The following MGAT4C variants were observed in gnomAD, a reference collection of about 807,000 sequenced individuals.
MGAT4C encodes alpha-1,3-mannosyl-glycoprotein 4-beta-N-acetylglucosaminyltransferase C.
MGAT4C carries 19 observed loss-of-function variants against 40.1 expected under a neutral mutation model. The observed-to-expected ratio is 0.47, with a 90% confidence interval of 0.33 to 0.70. MGAT4C has a LOEUF of 0.70. MGAT4C is among the 30% of genes least tolerant of loss of function. The pLI is 0.02. For synonymous variants in MGAT4C, 181 were observed against 187.1 expected (o/e 0.97, Z 0.27); for missense variants, 491 against 563.2 (o/e 0.87, Z 1.30).
rs567660006 is a variant in MGAT4C at position 86,815,515 on chromosome 12, A to T, written c.-262+23151T>A. On this transcript the variant is annotated intron_variant, in intron 1 of 7. Transcript: ENST00000548651. The stretch of plus-strand genomic sequence containing the variant: ...ACTGGGTATCTACCCAGAAGAAAAT[A>T]AGTCATTATTCAAAAAAAAAAATAC... Among the ~76,000 whole-genome samples, 196 of 142,976 alleles carry T rather than the reference A, an allele frequency of 1.4e-3. 1 individual carries two copies. Among genetic ancestry groups the T allele is most frequent in the African/African-American group, 4.7e-3 (186 of 39,420 alleles). 93.8% of individuals were successfully genotyped at this position (142,976 alleles called of 152,430 possible). A position where few individuals can be genotyped will look rare whatever the true frequency, so the allele number is the denominator to read the frequency against.
chr12:86,418,787 GT>G (rs1436113980), intron 3 of MGAT4C, among the ~76,000 whole-genome samples: 3 of 152,008 alleles, frequency 2.0e-5, no homozygotes, highest in Non-Finnish European at 4.4e-5. Context: ...CATCATGTGT[GT>G]AGAAGGAAGA....
intron 1 of MGAT4C, among the ~76,000 whole-genome samples, chr12:86,100,479 T>C (rs950508718): frequency 2.0e-5 from 3 of 151,350 alleles, no homozygotes; most frequent in Admixed American, 1.3e-4. Context: ...AAAAAGACAA[T>C]ATTTTCCCCT....
chr12:86,211,435 A>AG (rs1950461059), intron 1 of MGAT4C, among the ~76,000 whole-genome samples: 1 of 143,250 alleles, frequency 7.0e-6, no homozygotes, highest in Admixed American at 7.1e-5. Flanking sequence ...AAAAAAAAAA[A>AG]AATTAGCCGG....
intron 2 of MGAT4C, among the ~76,000 whole-genome samples, chr12:86,521,647 GAAT>G (rs1476928844): frequency 6.6e-6 from 1 of 151,538 alleles, no homozygotes; most frequent in Non-Finnish European, 1.5e-5. Flanking sequence ...ACTTTAATAA[GAAT>G]AATATTTAAT....
intron 2 of MGAT4C, 88 bp downstream of exon 2, chr12:86,049,586 G>A (rs914032819): frequency 7.9e-5 from 51 of 646,680 alleles, no homozygotes; most frequent in Non-Finnish European, 9.4e-5. Context: ...AGCTACTCCA[G>A]GACAATTTTA....
rs942276693 is a variant in MGAT4C at position 85,959,863 on chromosome 12, T to C, written c.*19426A>G. ...GTATTGATATTGTCATTTATCAATT[T>C]TATTATATGTCTTTTGCTTATTAAA... On this transcript the variant is annotated 3_prime_UTR_variant, in exon 5 of 5. Coordinates refer to ENST00000611864, the MANE Select transcript of MGAT4C (RefSeq NM_001351288.2). The C allele has an allele frequency of 1.3e-5, 2 of 152,012 alleles. No homozygotes were observed. The highest frequency in any genetic ancestry group is 2.9e-5 in the Non-Finnish European group (2 of 67,942). 9.4% of individuals were successfully genotyped at this position (152,012 alleles called of 1,614,324 possible).
chr12:86,811,553 G>T (rs1404769704), intron 1 of MGAT4C, among the ~76,000 whole-genome samples: 1 of 150,870 alleles, frequency 6.6e-6, no homozygotes, highest in Non-Finnish European at 1.5e-5. Flanking sequence ...TGTTGGCCAG[G>T]CTGGTCTTGA....
At chr12:86,457,102 T>C (rs1380710961) in intron 2 of MGAT4C, among the ~76,000 whole-genome samples, 1 of 152,156 alleles carries the variant, frequency 6.6e-6, no homozygotes, top group Non-Finnish European at 1.5e-5. Context: ...CTTGAATACA[T>C]AAATACTTTT....
chr12:86,611,370 CAGAT>C (rs1283155161), intron 2 of MGAT4C, among the ~76,000 whole-genome samples: 6 of 151,506 alleles, frequency 4.0e-5, no homozygotes, highest in African/African-American at 7.3e-5. Context: ...GACAGACAAA[CAGAT>C]AGAGGTCCCA....
chr12:86,078,575 G>A (rs1170012130), intron 1 of MGAT4C, among the ~76,000 whole-genome samples: 2 of 152,198 alleles, frequency 1.3e-5, no homozygotes, highest in African/African-American at 2.4e-5. Flanking sequence ...CCAGGTAGTT[G>A]GCTTGTCACT....
At chr12:86,657,239 T>C (rs1285774287) in intron 2 of MGAT4C, among the ~76,000 whole-genome samples, 1 of 151,896 alleles carries the variant, frequency 6.6e-6, no homozygotes, top group African/African-American at 2.4e-5. Flanking sequence ...AAAAAACATA[T>C]AAAGCTTTGA....
In MGAT4C at chr12:86,328,888, G is replaced by A. The variant is rs375272663; in HGVS notation, c.-57+5177C>T. On this transcript the variant is annotated intron_variant, in intron 4 of 7. Coordinates refer to the MGAT4C transcript ENST00000548651. Reference sequence around the variant, plus strand: ...TGGGAAGCCAAGGTGGGCATATCACGAGGTCAGGAGTTCAAGACTAGCCTG... The same window carrying A: ...TGGGAAGCCAAGGTGGGCATATCACAAGGTCAGGAGTTCAAGACTAGCCTG... 1.3e-4 allele frequency among the ~76,000 whole-genome samples: 20 copies of A among 151,880 alleles called. No homozygotes were observed. The East Asian group carries it at 1.4e-3, about 10-fold the overall frequency.
rs59135399 is a variant in MGAT4C, at chr12:86,219,372, A to AATTG, written c.-57+36866_-57+36867insCAAT. 6.2e-4 allele frequency among the ~76,000 whole-genome samples: 26 copies of AATTG among 41,660 alleles called. 1 individual carries two copies. In the South Asian group the frequency reaches 0.015, roughly 23 times the overall value. The allele number at this position is 41,660 out of a possible 152,430, so 27.3% of individuals were successfully genotyped here. A position where few individuals can be genotyped will look rare whatever the true frequency, so the allele number is the denominator to read the frequency against. On this transcript the variant is annotated intron_variant, in intron 1 of 4. Coordinates refer to ENST00000611864, the MANE Select transcript of MGAT4C (RefSeq NM_001351288.2). Reference sequence around the variant, plus strand: ...AAAAATGATGAGGTGACTGTTCTAAATCTAAAATTGTTCATAACCTATGTC... The same window carrying AATTG: ...AAAAATGATGAGGTGACTGTTCTAAAATTGTCTAAAATTGTTCATAACCTATGTC...
intron 1 of MGAT4C, among the ~76,000 whole-genome samples, chr12:86,764,444 C>A (rs924730812): frequency 6.6e-6 from 1 of 151,960 alleles, no homozygotes; most frequent in African/African-American, 2.4e-5. Flanking sequence ...AGGGCACAGA[C>A]AAACAAAAAG....
chr12:86,117,987 C>G (rs1878719608), intron 1 of MGAT4C, among the ~76,000 whole-genome samples: 1 of 152,068 alleles, frequency 6.6e-6, no homozygotes, highest in Non-Finnish European at 1.5e-5. Context: ...AAATCACAAA[C>G]TAGAAAAAAG....
At chr12:86,422,350 T>G (rs1354677522) in intron 3 of MGAT4C, among the ~76,000 whole-genome samples, 1 of 152,178 alleles carries the variant, frequency 6.6e-6, no homozygotes, top group Non-Finnish European at 1.5e-5. Flanking sequence ...CCTTAATTAT[T>G]AAAAATATAA....
chr12:86,206,313 T>G (rs1319257659), intron 1 of MGAT4C, among the ~76,000 whole-genome samples: 1 of 152,200 alleles, frequency 6.6e-6, no homozygotes, highest in Non-Finnish European at 1.5e-5. Flanking sequence ...GGTTAAGAGA[T>G]TCATAAAATT....
At chr12:86,810,707 T>C (rs1161587093) in intron 1 of MGAT4C, among the ~76,000 whole-genome samples, 1 of 151,944 alleles carries the variant, frequency 6.6e-6, no homozygotes, top group Non-Finnish European at 1.5e-5. Context: ...ATTATTTTCA[T>C]ATATATTGTA....
intron 2 of MGAT4C, among the ~76,000 whole-genome samples, chr12:86,487,690 A>T (rs943204529): frequency 5.9e-5 from 9 of 152,152 alleles, no homozygotes; most frequent in African/African-American, 2.2e-4. Context: ...GCCATTTGAA[A>T]TTTCAAATAC....
Sources: allele counts gnomAD v4.1 joint callset (sites outside exome capture counted in the v4.1 genomes callset), GRCh38; gene constraint gnomAD v4.1.1; transcripts MANE v1.5; gene names NCBI Gene and HGNC (gene_info 2026-07-23, HGNC 2026-07-21).